SLC25A21: variants seen among roughly 807,000 people sequenced by gnomAD.
SLC25A21 encodes the protein solute carrier family 25 member 21.
SLC25A21 carries 47 observed loss-of-function variants against 43.8 expected under a neutral mutation model. The observed-to-expected ratio is 1.07, with a 90% CI of 0.85 to 1.37. The LOEUF (loss-of-function observed/expected upper bound fraction) is 1.37, where lower values mean the gene tolerates loss of function less well. Among genes scored for constraint, SLC25A21 ranks in the 40% most tolerant of loss-of-function variants. The pLI is 0.00. For synonymous variants in SLC25A21, 131 were observed against 121.3 expected (o/e 1.08, Z -0.52); for missense variants, 352 against 350.2 (o/e 1.00, Z -0.04).
At chr14:37,168,064 C>A (rs1052240682) in intron 1 of SLC25A21, among the ~76,000 whole-genome samples, 1 of 152,126 alleles carries the variant, frequency 6.6e-6, no homozygotes, top group African/African-American at 2.4e-5. Context: ...GGGGCAGTTA[C>A]AGTAGGTGAG....
intron 3 of SLC25A21, among the ~76,000 whole-genome samples, chr14:36,771,767 A>C (rs965376293): frequency 2.7e-5 from 4 of 149,244 alleles, no homozygotes; most frequent in South Asian, 4.2e-4. Flanking sequence ...AAAAAAAAAA[A>C]CTACTGTCTC....
At chr14:36,748,056 G>A (rs1010000876) in intron 3 of SLC25A21, among the ~76,000 whole-genome samples, 4 of 152,180 alleles carry the variant, frequency 2.6e-5, no homozygotes, top group South Asian at 2.1e-4. Context: ...TTCTCTCAGC[G>A]AAGTTAAGCA....
chr14:36,743,297 T>G (rs1248236138), intron 3 of SLC25A21, among the ~76,000 whole-genome samples: 1 of 152,200 alleles, frequency 6.6e-6, no homozygotes, highest in African/African-American at 2.4e-5. Flanking sequence ...TATAACTGAC[T>G]ATATGGTAAG....
chr14:37,055,585 C>T (rs549785260), intron 1 of SLC25A21, among the ~76,000 whole-genome samples: 2 of 152,154 alleles, frequency 1.3e-5, no homozygotes, highest in African/African-American at 4.8e-5. Flanking sequence ...CCTGAGCTGC[C>T]GAACATGGAA....
intron 1 of SLC25A21, among the ~76,000 whole-genome samples, chr14:37,122,127 T>G (rs1963220221): frequency 6.6e-6 from 1 of 152,212 alleles, no homozygotes; most frequent in African/African-American, 2.4e-5. Flanking sequence ...TTTCCCAAAC[T>G]TATTTAACTA....
At chr14:36,798,902 A>AAGAGAGAGAGAGAGAGAG (rs10637597) in intron 3 of SLC25A21, among the ~76,000 whole-genome samples, 1 of 150,770 alleles carries the variant, frequency 6.6e-6, no homozygotes, top group Non-Finnish European at 1.5e-5. Flanking sequence ...TAGGGAGAGA[A>AAGAGAGAGAGAGAGAGAG]AGAGAGAGAG....
intron 1 of SLC25A21, among the ~76,000 whole-genome samples, chr14:37,063,865 C>T (rs1962003849): frequency 6.6e-6 from 1 of 152,168 alleles, no homozygotes; most frequent in Non-Finnish European, 1.5e-5. Context: ...AACAATTAGG[C>T]AGTAAACCGA....
chr14:36,741,159 G>C (rs918084250), intron 3 of SLC25A21, among the ~76,000 whole-genome samples: 2 of 152,054 alleles, frequency 1.3e-5, no homozygotes, highest in Non-Finnish European at 2.9e-5. Context: ...TTCTAATTTA[G>C]TATGTAGAAA....
intron 3 of SLC25A21, among the ~76,000 whole-genome samples, chr14:36,778,903 G>C (rs1416688845): frequency 6.6e-6 from 1 of 151,990 alleles, no homozygotes; most frequent in Non-Finnish European, 1.5e-5. Flanking sequence ...TAGTTTCCAT[G>C]CTGTACATTA....
At chr14:37,009,743 A>G (rs1960688864) in intron 1 of SLC25A21, among the ~76,000 whole-genome samples, 1 of 152,224 alleles carries the variant, frequency 6.6e-6, no homozygotes, top group African/African-American at 2.4e-5. Context: ...TGGATGCTAC[A>G]GAAGGAGTAA....
Position 36,683,582 on chromosome 14 carries a change from G to T in SLC25A21, c.838+246C>A, listed in dbSNP as rs1882391004. Among the ~76,000 whole-genome samples the T allele has an allele frequency of 1.3e-5, 2 of 152,138 alleles. 1 individual carries two copies. Among genetic ancestry groups the T allele is most frequent in the South Asian group, 4.1e-4 (2 of 4,832 alleles). On this transcript the variant is annotated intron_variant, in intron 9 of 9. Coordinates refer to ENST00000331299, the MANE Select transcript of SLC25A21 (RefSeq NM_030631.4). ...CAACTGCCTGTGGCTTCTTCCTATT[G>T]ACTTAAGCTGGGTTTTGGCTTCTGT...
intron 1 of SLC25A21, among the ~76,000 whole-genome samples, chr14:36,930,937 GCTT>G (rs2138636249): frequency 6.6e-6 from 1 of 152,142 alleles, no homozygotes; most frequent in Non-Finnish European, 1.5e-5. Flanking sequence ...CCATCCCCCT[GCTT>G]CTTCATCTAT....
intron 1 of SLC25A21, among the ~76,000 whole-genome samples, chr14:36,888,719 G>A (rs1238162481): frequency 6.6e-6 from 1 of 152,066 alleles, no homozygotes; most frequent in Non-Finnish European, 1.5e-5. Flanking sequence ...AGAAACAGGT[G>A]GAAGACCTCA....
At chr14:36,743,155 C>T (rs1007315306) in intron 3 of SLC25A21, among the ~76,000 whole-genome samples, 2 of 152,058 alleles carry the variant, frequency 1.3e-5, no homozygotes, top group Non-Finnish European at 2.9e-5. Context: ...ATATGAGAAC[C>T]AGAACCCTGA....
chr14:37,109,281 C>T (rs1010232131), intron 1 of SLC25A21, among the ~76,000 whole-genome samples: 1 of 151,460 alleles, frequency 6.6e-6, no homozygotes, highest in Non-Finnish European at 1.5e-5. Context: ...TGGAAAGTTG[C>T]GTGAAGGGAT....
At chr14:36,908,137 T>C (rs1375454427) in intron 1 of SLC25A21, among the ~76,000 whole-genome samples, 1 of 152,178 alleles carries the variant, frequency 6.6e-6, no homozygotes, top group East Asian at 1.9e-4. Context: ...TGTATGATAC[T>C]ATAATGATGA....
At chr14:36,743,444 A>G (rs527650430) in intron 3 of SLC25A21, among the ~76,000 whole-genome samples, 1 of 152,134 alleles carries the variant, frequency 6.6e-6, no homozygotes, top group South Asian at 2.1e-4. Flanking sequence ...AGAAAAAAAA[A>G]CAACTCTATT....
At chr14:36,799,880 A>C (rs918888466) in intron 3 of SLC25A21, among the ~76,000 whole-genome samples, 1 of 152,186 alleles carries the variant, frequency 6.6e-6, no homozygotes, top group Admixed American at 6.5e-5. Flanking sequence ...ATTTTTAAAA[A>C]TGTTATTTCT....
At chr14:36,803,506 A>T (rs1887936912) in intron 3 of SLC25A21, among the ~76,000 whole-genome samples, 1 of 152,190 alleles carries the variant, frequency 6.6e-6, no homozygotes, top group Admixed American at 6.5e-5. Flanking sequence ...AATATAGGAG[A>T]GGTTTTATGT....
Sources: allele counts gnomAD v4.1 joint callset (sites outside exome capture counted in the v4.1 genomes callset), GRCh38; gene constraint gnomAD v4.1.1; transcripts MANE v1.5; gene names NCBI Gene and HGNC (gene_info 2026-07-23, HGNC 2026-07-21).